Variants in ENPP3 observed in about 807,000 individuals in gnomAD.
ENPP3 encodes ectonucleotide pyrophosphatase/phosphodiesterase family member 3.
ENPP3 carries 104 observed loss-of-function variants against 117.8 expected under a neutral mutation model. The observed-to-expected ratio is 0.88, with a 90% CI of 0.75 to 1.04. The LOEUF is 1.04. Among genes scored for constraint, ENPP3 ranks in the 50% least tolerant of loss-of-function variants. The pLI is 0.00. For synonymous variants in ENPP3, 380 were observed against 349.9 expected (o/e 1.09, Z -0.96); for missense variants, 1,026 against 1,051.9 (o/e 0.98, Z 0.34).
intron 20 of ENPP3, among the ~76,000 whole-genome samples, chr6:131,731,020 G>A (rs751231195): frequency 2.6e-5 from 4 of 151,376 alleles, no homozygotes; most frequent in African/African-American, 9.7e-5. Flanking sequence ...TTTGAGTCAC[G>A]TCTGCAACTT....
At chr6:131,674,996 T>C in intron 8 of ENPP3, 84 bp from the exon 9 acceptor site, 1 of 774,648 alleles carries the variant, frequency 1.3e-6, no homozygotes, top group East Asian at 2.5e-5. Context: ...GTTGCAACTA[T>C]TAATCTTGTT....
Position 131,677,918 on chromosome 6 carries a change from C to G in ENPP3, c.989C>G (p.Ala330Gly), listed in dbSNP as rs139469402. 6.2e-7 allele frequency: 1 copy of G among 1,608,998 alleles called. No individual in the cohort carries two copies. The highest frequency in any genetic ancestry group is 1.3e-5 in the African/African-American group (1 of 74,756). The change falls in exon 11 of 25, where the codon GCA (alanine) becomes GGA (glycine). Residue 330 changes from alanine (A) to glycine (G), a missense_variant. Transcript: ENST00000357639. ...YFEEPDSSGH[A>G]GGPVSARVIK... Reference sequence around the variant, plus strand: ...GAAGAACCTGATTCCTCTGGACATGCAGGTGGACCAGTCAGTGCCAGAGTA... The same window carrying G: ...GAAGAACCTGATTCCTCTGGACATGGAGGTGGACCAGTCAGTGCCAGAGTA...
intron 6 of ENPP3, among the ~76,000 whole-genome samples, chr6:131,665,598 T>C (rs1778599955): frequency 6.6e-6 from 1 of 152,132 alleles, no homozygotes; most frequent in Non-Finnish European, 1.5e-5. Flanking sequence ...CTCCTCTTTC[T>C]GATTTTATTT....
Position 131,671,328 on chromosome 6 carries a change from G to C in ENPP3, c.642+1G>C, listed in dbSNP as rs747107638. 6.3e-7 allele frequency: 1 copy of C among 1,576,558 alleles called. No individual in the cohort carries two copies. The highest frequency in any genetic ancestry group is 8.7e-7 in the Non-Finnish European group (1 of 1,145,988). On this transcript the variant is annotated splice_donor_variant, in intron 7 of 24. Transcript: ENST00000357639. LOFTEE classifies it high-confidence loss of function. The stretch of plus-strand genomic sequence containing the variant: ...CCCAAATCATTACACCATTGTCACG[G>C]TAAGTGCTTGACCCAGTGGTAAGAC...
Position 131,658,431 on chromosome 6 carries a change from T to C in ENPP3, c.562+11T>C. ...ATATCAATAAACTGAGTAAGTCTTC[T>C]GTAACTAGTGGCATGCAAATGATAA... is the stretch of plus-strand genomic sequence containing the variant. On this transcript the variant is annotated intron_variant, in intron 6 of 24. Transcript: ENST00000357639. The C allele has an allele frequency of 1.5e-6, 2 of 1,333,324 alleles. No individual in the cohort carries two copies. Among genetic ancestry groups the C allele is most frequent in the Non-Finnish European group, 1.1e-6 (1 of 925,212 alleles). The allele number at this position is 1,333,324 out of a possible 1,614,324, so 82.6% of individuals were successfully genotyped here. A position where few individuals can be genotyped will look rare whatever the true frequency, so the allele number is the denominator to read the frequency against.
chr6:131,722,289 A>G lies in ENPP3; in HGVS notation c.1630A>G (p.Lys544Glu), dbSNP rs1780051372. 6.2e-7 allele frequency: 1 copy of G among 1,614,048 alleles called. No individual in the cohort carries two copies. Residue 544 changes from lysine to glutamate, a missense_variant, in exon 18 of 25, where the codon AAG (lysine) becomes GAG (glutamate). Physicochemically the swap from Lys to Glu is moderately conservative, Grantham distance 56. Transcript: ENST00000357639. ...GTHGSLNHLL[K>E]VPFYEPSHAE... ...CCATGGTAGTTTAAACCATCTTCTG[A>G]AGGTGCCTTTTTATGAGCCATCCCA...
chr6:131,720,257 C>T (rs1562472317), intron 16 of ENPP3, 35 bp from the exon 17 acceptor site: 3 of 1,280,502 alleles, frequency 2.3e-6, no homozygotes, highest in East Asian at 2.4e-5. Context: ...ATTTGGATGA[C>T]ATCTAATAAT....
At chr6:131,688,010 G>A (rs1332229322) in intron 14 of ENPP3, among the ~76,000 whole-genome samples, 1 of 152,116 alleles carries the variant, frequency 6.6e-6, no homozygotes, top group African/African-American at 2.4e-5. Flanking sequence ...CACTGAGCAT[G>A]TCTATCCAGT....
chr6:131,661,980 T>A (rs1019745912), intron 6 of ENPP3, among the ~76,000 whole-genome samples: 1 of 152,230 alleles, frequency 6.6e-6, no homozygotes. Flanking sequence ...CCAAGACCAA[T>A]GTCATGCAGA....
intron 2 of ENPP3, among the ~76,000 whole-genome samples, chr6:131,648,448 T>C (rs779850382): frequency 2.0e-5 from 3 of 152,036 alleles, no homozygotes; most frequent in Non-Finnish European, 4.4e-5. Context: ...GCTGGCCAGT[T>C]GTCCCATTAC....
chr6:131,651,429 G>T (rs1778260646), intron 3 of ENPP3, among the ~76,000 whole-genome samples: 1 of 152,176 alleles, frequency 6.6e-6, no homozygotes, highest in African/African-American at 2.4e-5. Context: ...ATGAAATGCT[G>T]TATCATTACA....
intron 2 of ENPP3, among the ~76,000 whole-genome samples, chr6:131,642,310 G>T (rs899369934): frequency 6.6e-6 from 1 of 152,144 alleles, no homozygotes; most frequent in South Asian, 2.1e-4. Context: ...ATTGGACAGT[G>T]CCAAATTCTT....
intron 15 of ENPP3, chr6:131,708,915 G>C (rs781408648): frequency 1.9e-6 from 3 of 1,607,054 alleles, no homozygotes; most frequent in Non-Finnish European, 2.5e-6. Flanking sequence ...ATGGACCGCT[G>C]ATTGGAGCAA....
intron 6 of ENPP3, among the ~76,000 whole-genome samples, chr6:131,662,367 G>A (rs1175482103): frequency 1.3e-5 from 2 of 151,996 alleles, no homozygotes; most frequent in African/African-American, 4.8e-5. Flanking sequence ...AGCCTCCTAA[G>A]TAGTTGAGAC....
At chr6:131,716,018 C>T (rs1244647237) in intron 15 of ENPP3, among the ~76,000 whole-genome samples, 1 of 132,708 alleles carries the variant, frequency 7.5e-6, no homozygotes, top group Admixed American at 7.3e-5. Context: ...AGATACCGCA[C>T]AGGAAGACAG....
Position 131,733,697 on chromosome 6 carries a change from T to C in ENPP3, c.2063T>C (p.Ile688Thr). 6.2e-7 allele frequency: 1 copy of C among 1,614,068 alleles called. No homozygotes were observed. The highest frequency in any genetic ancestry group is 8.5e-7 in the Non-Finnish European group (1 of 1,179,968). The change falls in exon 21 of 25, where the codon ATC becomes ACC. Residue 688 changes from isoleucine to threonine, a missense_variant. By Grantham distance (89) the Ile-to-Thr change is moderately conservative. Coordinates refer to ENST00000357639, the MANE Select transcript of ENPP3 (RefSeq NM_005021.5). ...KCSFYLADKNITHGFLYPPAS... is the reference protein window; with the variant it reads ...KCSFYLADKNTTHGFLYPPAS... ...TCCTTCTATTTAGCAGACAAGAATA[T>C]CACCCACGGCTTCCTCTATCCTCCT... is the stretch of plus-strand genomic sequence containing the variant.
intron 17 of ENPP3, among the ~76,000 whole-genome samples, chr6:131,721,411 A>G (rs758352068): frequency 1.3e-5 from 2 of 152,162 alleles, no homozygotes; most frequent in Non-Finnish European, 1.5e-5. Context: ...GGCTAGGTTT[A>G]TGGTCTGGAC....
At chr6:131,724,142 C>T in intron 19 of ENPP3, 51 bp downstream of exon 19, 1 of 1,275,788 alleles carries the variant, frequency 7.8e-7, no homozygotes, top group Non-Finnish European at 1.1e-6. Flanking sequence ...CCTAACAAAA[C>T]ACAATGTGGC....
intron 15 of ENPP3, among the ~76,000 whole-genome samples, chr6:131,703,110 A>G (rs1779575210): frequency 7.2e-6 from 1 of 139,532 alleles, no homozygotes; most frequent in Non-Finnish European, 1.5e-5. Flanking sequence ...AAGCCTTTTT[A>G]AAAATTAAGT....
Sources: gnomAD v4.1 joint callset for allele counts (sites outside exome capture counted in the v4.1 genomes callset) on GRCh38, gnomAD v4.1.1 for gene constraint, MANE v1.5 for transcripts, NCBI Gene and HGNC (gene_info 2026-07-23, HGNC 2026-07-21) for gene names.